The following PHF24 variants were observed in gnomAD, a reference collection of about 807,000 sequenced individuals.
PHF24 encodes PHD finger protein 24.
A neutral mutation model predicts 42.6 loss-of-function variants in PHF24; 25 were observed. The ratio of observed to expected loss-of-function variants is 0.59; its 90% CI spans 0.43 to 0.82. PHF24 has a LOEUF of 0.82. Among genes scored for constraint, PHF24 ranks in the 40% least tolerant of loss-of-function variants. The pLI is 0.00. For synonymous variants in PHF24, 185 were observed against 204.8 expected, an observed-to-expected ratio of 0.90 and a Z score of 0.83; for missense variants, 470 against 538.1, an observed-to-expected ratio of 0.87 and a Z score of 1.25.
chr9:34,687,521 A>G, the PHF24 span, among the ~76,000 whole-genome samples: 22 of 152,166 alleles, frequency 1.4e-4, no homozygotes, highest in Admixed American at 3.3e-4. Flanking sequence ...AGACAGGATC[A>G]TGGGACTCTG....
At chr9:34,752,535 G>A in the PHF24 span, among the ~76,000 whole-genome samples, 1 of 152,038 alleles carries the variant, frequency 6.6e-6, no homozygotes, top group African/African-American at 2.4e-5. Context: ...TGAGATCAAA[G>A]CCATAATAAA....
At chr9:34,723,621 T>C in the PHF24 span, 6 of 1,551,790 alleles carry the variant, frequency 3.9e-6, no homozygotes, top group African/African-American at 1.4e-5. Flanking sequence ...CTAGACTCTG[T>C]AAGGCTGGGC....
chr9:34,945,858 A>G, the PHF24 span, among the ~76,000 whole-genome samples: 2 of 152,250 alleles, frequency 1.3e-5, no homozygotes, highest in Non-Finnish European at 2.9e-5. Flanking sequence ...CAGAAAATAG[A>G]CTAAGAAAAC....
the PHF24 span, among the ~76,000 whole-genome samples, chr9:34,791,845 C>A: frequency 6.6e-6 from 1 of 152,138 alleles, no homozygotes; most frequent in Non-Finnish European, 1.5e-5. Context: ...CAAGAGCATT[C>A]TAGGTGGAAT....
chr9:34,693,066 G>A, the PHF24 span, among the ~76,000 whole-genome samples: 13,289 of 152,192 alleles, frequency 0.087, 1,930 homozygotes, highest in African/African-American at 0.3. Context: ...TTCCCAAAGT[G>A]TTGGGATTAC....
chr9:34,766,100 G>A, the PHF24 span, among the ~76,000 whole-genome samples: 10 of 152,272 alleles, frequency 6.6e-5, no homozygotes, highest in East Asian at 1.7e-3. Flanking sequence ...CCCTTTGTGG[G>A]TAACCTGACC....
At chr9:34,941,610 T>C in the PHF24 span, among the ~76,000 whole-genome samples, 4 of 152,134 alleles carry the variant, frequency 2.6e-5, no homozygotes, top group African/African-American at 9.7e-5. Flanking sequence ...AACAGAAATT[T>C]ATTTCTTACA....
At chr9:34,848,564 T>A in the PHF24 span, among the ~76,000 whole-genome samples, 2 of 152,064 alleles carry the variant, frequency 1.3e-5, no homozygotes, top group African/African-American at 4.8e-5. Flanking sequence ...CCTGGATTCA[T>A]TAATTTTTTG....
At chr9:34,911,689 C>G in the PHF24 span, among the ~76,000 whole-genome samples, 1 of 145,030 alleles carries the variant, frequency 6.9e-6, no homozygotes, top group Non-Finnish European at 1.5e-5. Flanking sequence ...TATGTGAACT[C>G]TTTTGTTTAT....
At chr9:34,858,286 C>T in the PHF24 span, among the ~76,000 whole-genome samples, 2 of 152,144 alleles carry the variant, frequency 1.3e-5, no homozygotes, top group African/African-American at 4.8e-5. Flanking sequence ...TGAGAAAGCC[C>T]TTCATCCATC....
At chr9:34,666,291 G>A in the PHF24 span, among the ~76,000 whole-genome samples, 7 of 152,164 alleles carry the variant, frequency 4.6e-5, no homozygotes, top group African/African-American at 1.4e-4. Context: ...AGAAAAGAGA[G>A]TTGGGACTAA....
chr9:34,713,806 T>A, the PHF24 span, among the ~76,000 whole-genome samples: 1 of 152,212 alleles, frequency 6.6e-6, no homozygotes, highest in Admixed American at 6.5e-5. Context: ...AGAATCCATC[T>A]GGTTTCCAGA....
At chr9:34,918,141 A>G in the PHF24 span, 7 of 1,537,132 alleles carry the variant, frequency 4.6e-6, no homozygotes, top group East Asian at 1.3e-4. Flanking sequence ...TAGCGCCAGC[A>G]TATGCATTCC....
chr9:34,808,456 T>C, the PHF24 span, among the ~76,000 whole-genome samples: 51,717 of 151,908 alleles, frequency 0.34, 9,425 homozygotes, highest in East Asian at 0.65. Flanking sequence ...AGGGAGACTC[T>C]ATCCCCCCGC....
chr9:34,773,485 C>G, the PHF24 span, among the ~76,000 whole-genome samples: 5 of 151,406 alleles, frequency 3.3e-5, no homozygotes, highest in Non-Finnish European at 7.4e-5. Flanking sequence ...GCAAGAGTTC[C>G]CAATGACTAA....
intron 2 of PHF24, 44 bp from the exon 3 acceptor site, chr9:34,972,302 C>T: frequency 4.6e-6 from 7 of 1,536,940 alleles, no homozygotes; most frequent in Non-Finnish European, 6.2e-6. Context: ...AATCTTGCTG[C>T]CTACATTTAC....
chr9:34,688,349 C>G, the PHF24 span, among the ~76,000 whole-genome samples: 1 of 152,168 alleles, frequency 6.6e-6, no homozygotes, highest in Admixed American at 6.5e-5. Flanking sequence ...GCCTGCTTCC[C>G]CAGGAGACTT....
the PHF24 span, among the ~76,000 whole-genome samples, chr9:34,782,573 G>A: frequency 6.6e-6 from 1 of 152,196 alleles, no homozygotes; most frequent in Non-Finnish European, 1.5e-5. Context: ...TAGAGGTAGA[G>A]AGCAAGAGCA....
chr9:34,740,161 C>T, the PHF24 span, among the ~76,000 whole-genome samples: 5 of 152,242 alleles, frequency 3.3e-5, no homozygotes, highest in Admixed American at 6.5e-5. Context: ...CTCAGGAGCC[C>T]GGCTGTCTTC....
Sources: gnomAD v4.1 joint callset for allele counts (sites outside exome capture counted in the v4.1 genomes callset) on GRCh38, gnomAD v4.1.1 for gene constraint, MANE v1.5 for transcripts, NCBI Gene and HGNC (gene_info 2026-07-23, HGNC 2026-07-21) for gene names.